The following SYT14 variants were observed in gnomAD, a reference collection of about 807,000 sequenced individuals.
The protein encoded by SYT14 is synaptotagmin-14.
SYT14 carries 32 observed loss-of-function variants against 74.2 expected under a neutral mutation model. The ratio of observed to expected loss-of-function variants is 0.43; its 90% confidence interval spans 0.33 to 0.58. The LOEUF is 0.58. SYT14 is among the 20% of genes least tolerant of loss of function. The pLI, the probability that SYT14 is intolerant of heterozygous loss-of-function variation, is 0.05. For synonymous variants in SYT14, 298 were observed against 337.7 expected (o/e 0.88, Z 1.29); for missense variants, 791 against 981.8 (o/e 0.81, Z 2.60).
exon 4 of SYT14, chr1:210,016,231 G>A (rs1400319171): frequency 5.7e-6 from 7 of 1,231,978 alleles, no homozygotes; most frequent in Non-Finnish European, 7.1e-6. Context: ...AAAATGCCGG[G>A]TTAACAGAAG....
intron 2 of SYT14, among the ~76,000 whole-genome samples, chr1:209,999,298 G>T (rs1221854531): frequency 6.6e-6 from 1 of 152,114 alleles, no homozygotes; most frequent in Non-Finnish European, 1.5e-5. Flanking sequence ...CTTATACATG[G>T]TTGGAGAGAA....
chr1:210,015,826 T>A, exon 4 of SYT14: 15 of 1,105,468 alleles, frequency 1.4e-5, no homozygotes, highest in East Asian at 3.6e-5. Flanking sequence ...TACTTCAACA[T>A]ATTTCTTTCA....
At chr1:210,148,325 GGTGAA>G (rs2083084408) in intron 7 of SYT14, among the ~76,000 whole-genome samples, 3 of 152,014 alleles carry the variant, frequency 2.0e-5, no homozygotes, top group Non-Finnish European at 1.5e-5. Flanking sequence ...TGGCTAACAC[GGTGAA>G]ACCCCGTCTC....
intron 7 of SYT14, among the ~76,000 whole-genome samples, chr1:210,119,121 A>C (rs1465968726): frequency 6.6e-6 from 1 of 152,182 alleles, no homozygotes; most frequent in Admixed American, 6.5e-5. Context: ...TTATCAGCAA[A>C]CTACTAGTAA....
intron 5 of SYT14, among the ~76,000 whole-genome samples, chr1:210,079,102 T>G (rs1292883744): frequency 2.7e-5 from 4 of 150,878 alleles, no homozygotes; most frequent in African/African-American, 9.7e-5. Context: ...TTAATCATTG[T>G]TTTTTTTTAG....
In SYT14 at chr1:210,159,409, C is replaced by G; in HGVS notation, c.2225-12C>G. 1.3e-6 allele frequency: 2 copies of G among 1,551,276 alleles called. No homozygotes were observed. Among genetic ancestry groups the G allele is most frequent in the Non-Finnish European group, 1.7e-6 (2 of 1,146,696 alleles). ...ATTATTTCTTTTACTGCTTTCCACC[C>G]CCTGTTGTCAGATGGACTGTTCTGT... On this transcript the variant is annotated splice_polypyrimidine_tract_variant and intron_variant, in intron 8 of 9. Transcript: ENST00000637265.
chr1:210,148,885 A>T (rs1443782329), intron 7 of SYT14, among the ~76,000 whole-genome samples: 3 of 152,200 alleles, frequency 2.0e-5, no homozygotes, highest in African/African-American at 7.2e-5. Context: ...CAAGAATAAC[A>T]TGAGAAAATT....
exon 10 of SYT14, chr1:210,161,524 A>G (rs1413126265): frequency 2.2e-6 from 1 of 453,892 alleles, no homozygotes; most frequent in Non-Finnish European, 4.4e-6. Flanking sequence ...CATAAGTCAT[A>G]TCTAATGGTG....
intron 2 of SYT14, 188 bp downstream of exon 2, chr1:209,952,944 T>C: frequency 2.6e-6 from 3 of 1,149,122 alleles, no homozygotes; most frequent in Non-Finnish European, 3.7e-6. Flanking sequence ...TTGAGAGTTG[T>C]TGCTTTATAT....
chr1:210,016,182 G>A (rs1336274852), exon 4 of SYT14: 11 of 1,232,128 alleles, frequency 8.9e-6, no homozygotes, highest in Non-Finnish European at 1.1e-5. Context: ...GAAGAGGAAA[G>A]CTCTGTAGCA....
chr1:209,980,386 T>A (rs2079461166), intron 2 of SYT14, among the ~76,000 whole-genome samples: 3 of 152,206 alleles, frequency 2.0e-5, no homozygotes, highest in East Asian at 1.9e-4. Flanking sequence ...TTTTCTCCTG[T>A]TCTTTAGGTT....
At chr1:210,140,999 A>G (rs1041727414) in intron 7 of SYT14, among the ~76,000 whole-genome samples, 1 of 150,578 alleles carries the variant, frequency 6.6e-6, no homozygotes, top group Non-Finnish European at 1.5e-5. Context: ...GCACTTACAT[A>G]TGAATTTTAG....
chr1:210,128,404 T>C (rs1469525882), intron 7 of SYT14, among the ~76,000 whole-genome samples: 2 of 152,064 alleles, frequency 1.3e-5, no homozygotes, highest in Non-Finnish European at 2.9e-5. Flanking sequence ...GATGTATATA[T>C]GTAGCTCTTC....
At chr1:210,114,987 A>G (rs987494790) in intron 7 of SYT14, among the ~76,000 whole-genome samples, 1 of 150,798 alleles carries the variant, frequency 6.6e-6, no homozygotes, top group Non-Finnish European at 1.5e-5. Flanking sequence ...AAGAAGGAAT[A>G]TTTGGGACGA....
chr1:210,047,478 A>G lies in SYT14; in HGVS notation c.1312+26224A>G, dbSNP rs139356399. 5.6e-3 allele frequency among the ~76,000 whole-genome samples: 844 copies of G among 152,016 alleles called. 11 individuals carry two copies. The highest frequency in any genetic ancestry group is 0.02 in the African/African-American group (820 of 41,466). ...AATGGCGCAATCTCAACTAACTGCA[A>G]CCTCCGCCTCCCAGGTTCAAATGAT... is the stretch of plus-strand genomic sequence containing the variant. On this transcript the variant is annotated intron_variant, in intron 5 of 9. Coordinates refer to ENST00000637265, the Ensembl canonical transcript of SYT14.
At chr1:210,040,737 A>G (rs1047941528) in intron 5 of SYT14, among the ~76,000 whole-genome samples, 7 of 152,292 alleles carry the variant, frequency 4.6e-5, no homozygotes, top group African/African-American at 1.7e-4. Context: ...TCATTTAGTC[A>G]GGAATCCCCT....
chr1:210,071,213 A>G lies in SYT14; in HGVS notation c.1313-23109A>G, dbSNP rs1316971445. Among the ~76,000 whole-genome samples, 120 of 119,626 alleles carry G rather than the reference A, an allele frequency of 1.0e-3. 1 individual carries two copies. The highest frequency in any genetic ancestry group is 3.8e-5 in the Non-Finnish European group (2 of 52,520). 78.5% of individuals were successfully genotyped at this position (119,626 alleles called of 152,430 possible). A position where few individuals can be genotyped will look rare whatever the true frequency, so the allele number is the denominator to read the frequency against. On this transcript the variant is annotated intron_variant, in intron 5 of 9. Transcript: ENST00000637265. ...ACCTCTGTGAAATTCACTGCATCAG[A>G]CTGAATTTGTATATATATGTATTGC...
intron 2 of SYT14, among the ~76,000 whole-genome samples, chr1:209,991,895 CT>C (rs2102845183): frequency 6.6e-6 from 1 of 151,590 alleles, no homozygotes; most frequent in East Asian, 1.9e-4. Flanking sequence ...GAAACATACG[CT>C]GTTGGTGGGA....
Position 210,149,445 on chromosome 1 carries a change from A to G in SYT14, c.2035-6276A>G, listed in dbSNP as rs564834975. Among the ~76,000 whole-genome samples the G allele has an allele frequency of 7.2e-5, 11 of 152,152 alleles. 1 individual carries two copies. Among genetic ancestry groups the G allele is most frequent in the Admixed American group, 2.0e-4 (3 of 15,278 alleles). On this transcript the variant is annotated intron_variant, in intron 7 of 9. Coordinates refer to ENST00000637265, the Ensembl canonical transcript of SYT14. Reference sequence around the variant, plus strand: ...AGTGATCTGCCTGCCTTGGCCTCCCAAAGTGCTGGGATTACAGGCATGAGC... The same window carrying G: ...AGTGATCTGCCTGCCTTGGCCTCCCGAAGTGCTGGGATTACAGGCATGAGC...
Sources: allele counts gnomAD v4.1 joint callset (sites outside exome capture counted in the v4.1 genomes callset), GRCh38; gene constraint gnomAD v4.1.1; transcripts MANE v1.5; gene names NCBI Gene and HGNC (gene_info 2026-07-23, HGNC 2026-07-21).